DLG2: variants seen among roughly 807,000 people sequenced by gnomAD.
DLG2 encodes discs large MAGUK scaffold protein 2, also known as disks large homolog 2.
In DLG2, 45 loss-of-function variants were observed where a neutral mutation model predicts 132.5. That is an observed-to-expected ratio of 0.34 (90% CI 0.27 to 0.44). The LOEUF (loss-of-function observed/expected upper bound fraction) is 0.44. DLG2 is among the 20% of genes least tolerant of loss of function. The pLI, the probability that DLG2 is intolerant of heterozygous loss-of-function variation, is 1.00. For synonymous variants in DLG2, 424 were observed against 419.6 expected, an observed-to-expected ratio of 1.01 and a Z score of -0.13; for missense variants, 1,045 against 1,196.9, an observed-to-expected ratio of 0.87 and a Z score of 1.87.
intron 18 of DLG2, among the ~76,000 whole-genome samples, chr11:83,713,997 C>T (rs2086102605): frequency 6.6e-6 from 1 of 152,130 alleles, no homozygotes; most frequent in Admixed American, 6.6e-5. Context: ...CAGAGTGGGT[C>T]TGAAAACATA....
chr11:84,567,891 G>C (rs979468065), intron 6 of DLG2, among the ~76,000 whole-genome samples: 2 of 152,116 alleles, frequency 1.3e-5, no homozygotes, highest in African/African-American at 4.8e-5. Context: ...ATCTAAAAAG[G>C]GTAAGAAGAC....
intron 11 of DLG2, among the ~76,000 whole-genome samples, chr11:84,047,223 T>C (rs2096259707): frequency 6.6e-6 from 1 of 151,712 alleles, no homozygotes; most frequent in Admixed American, 6.6e-5. Context: ...GCATTACAAC[T>C]TCCAGACCTA....
chr11:85,382,086 G>T lies in DLG2; in HGVS notation c.41-96721C>A, dbSNP rs74502096. Reference sequence around the variant, plus strand: ...GAATAACCAAAACAATCTTGAAAAAGATGAACAAAGTTGGAGAACTCACAC... The same window carrying T: ...GAATAACCAAAACAATCTTGAAAAATATGAACAAAGTTGGAGAACTCACAC... On this transcript the variant is annotated intron_variant, in intron 3 of 27. Transcript: ENST00000376104. Among the ~76,000 whole-genome samples the T allele has an allele frequency of 0.01, 1,543 of 152,150 alleles. 124 individuals are homozygous for T. The East Asian group carries it at 0.21, about 21-fold the overall frequency.
At chr11:85,424,914 TG>T (rs1254212871) in intron 3 of DLG2, among the ~76,000 whole-genome samples, 1 of 152,224 alleles carries the variant, frequency 6.6e-6, no homozygotes, top group East Asian at 1.9e-4. Flanking sequence ...AATAAATTTC[TG>T]TTGCTTAAGC....
At chr11:85,319,333 T>C (rs1001860004) in intron 3 of DLG2, among the ~76,000 whole-genome samples, 3 of 151,826 alleles carry the variant, frequency 2.0e-5, no homozygotes, top group African/African-American at 7.2e-5. Flanking sequence ...AATATTAAGG[T>C]TTAACAATAG....
intron 8 of DLG2, among the ~76,000 whole-genome samples, chr11:84,198,418 A>T (rs571977867): frequency 7.2e-5 from 11 of 152,276 alleles, no homozygotes; most frequent in African/African-American, 2.6e-4. Context: ...ATAAAAGGAA[A>T]ATCAATTTTT....
chr11:84,265,434 G>A (rs1351459865), intron 7 of DLG2, among the ~76,000 whole-genome samples: 2 of 152,092 alleles, frequency 1.3e-5, no homozygotes, highest in Non-Finnish European at 2.9e-5. Flanking sequence ...ATAGCAAATG[G>A]TGGAAGAAGG....
chr11:84,141,050 C>T (rs541646416), intron 9 of DLG2, among the ~76,000 whole-genome samples: 1 of 152,036 alleles, frequency 6.6e-6, no homozygotes, highest in Admixed American at 6.6e-5. Context: ...TATAAAAGAG[C>T]CATTGTAGAG....
At chr11:84,480,126 G>C (rs2099132740) in intron 7 of DLG2, among the ~76,000 whole-genome samples, 1 of 152,030 alleles carries the variant, frequency 6.6e-6, no homozygotes, top group South Asian at 2.1e-4. Flanking sequence ...ATTTTAAATA[G>C]GCCTTCATTA....
At chr11:85,334,937 G>A (rs544199676) in intron 3 of DLG2, among the ~76,000 whole-genome samples, 1 of 152,048 alleles carries the variant, frequency 6.6e-6, no homozygotes, top group African/African-American at 2.4e-5. Flanking sequence ...TGTCCGTTAG[G>A]TCCTCTGGTC....
At chr11:84,652,932 G>T (rs1020912736) in intron 6 of DLG2, among the ~76,000 whole-genome samples, 56 of 136,138 alleles carry the variant, frequency 4.1e-4, no homozygotes, top group African/African-American at 1.5e-3. Context: ...AATATTGGAG[G>T]TTTTTTTTTT....
At chr11:84,834,690 G>A (rs984359334) in intron 6 of DLG2, among the ~76,000 whole-genome samples, 1 of 151,090 alleles carries the variant, frequency 6.6e-6, no homozygotes, top group Admixed American at 6.6e-5. Flanking sequence ...ACATTTTGGA[G>A]GAATAAGTCA....
intron 6 of DLG2, among the ~76,000 whole-genome samples, chr11:84,954,098 C>T (rs190502828): frequency 6.6e-6 from 1 of 152,160 alleles, no homozygotes; most frequent in Admixed American, 6.5e-5. Context: ...TTATGTCAGT[C>T]TTGGTCACGG....
chr11:83,886,362 T>C lies in DLG2; in HGVS notation c.1497-11874A>G, dbSNP rs1411978533. ...AAAAGAGACAAAGAAGGCCATTACA[T>C]AATGGTAAAGGGATCAATTCAACAA... On this transcript the variant is annotated intron_variant, in intron 15 of 27. Coordinates refer to ENST00000376104, the MANE Select transcript of DLG2 (RefSeq NM_001142699.3). Among the ~76,000 whole-genome samples, 4 of 152,270 alleles carry C rather than the reference T, an allele frequency of 2.6e-5. No individual in the cohort carries two copies. The South Asian group carries it at 8.3e-4, about 32-fold the overall frequency.
chr11:85,176,988 A>T (rs921793780), intron 4 of DLG2, among the ~76,000 whole-genome samples: 7 of 152,086 alleles, frequency 4.6e-5, no homozygotes, highest in African/African-American at 9.7e-5. Flanking sequence ...AGAAAAAGGG[A>T]TACTTTACAC....
At chr11:84,101,311 G>C (rs1195990950) in intron 9 of DLG2, among the ~76,000 whole-genome samples, 1 of 152,106 alleles carries the variant, frequency 6.6e-6, no homozygotes, top group East Asian at 1.9e-4. Context: ...AGACAATAAA[G>C]TTGGAACAAA....
At chr11:84,956,080 G>A (rs918210486) in intron 6 of DLG2, among the ~76,000 whole-genome samples, 3 of 152,138 alleles carry the variant, frequency 2.0e-5, no homozygotes, top group African/African-American at 7.2e-5. Flanking sequence ...TGTGGTTTAT[G>A]ATTTCAGATA....
At chr11:83,754,376 T>A (rs1566835826) in intron 18 of DLG2, among the ~76,000 whole-genome samples, 1 of 151,242 alleles carries the variant, frequency 6.6e-6, no homozygotes, top group African/African-American at 2.5e-5. Context: ...AGGATTAGAA[T>A]TGCAAATAAT....
At chr11:83,864,699 T>C (rs892188827) in intron 16 of DLG2, among the ~76,000 whole-genome samples, 1 of 152,148 alleles carries the variant, frequency 6.6e-6, no homozygotes, top group African/African-American at 2.4e-5. Flanking sequence ...ATCTGGTCTG[T>C]GGCATAGGAT....
Sources: gnomAD v4.1 joint callset for allele counts (sites outside exome capture counted in the v4.1 genomes callset) on GRCh38, gnomAD v4.1.1 for gene constraint, MANE v1.5 for transcripts, NCBI Gene and HGNC (gene_info 2026-07-23, HGNC 2026-07-21) for gene names.